AFM: variants seen among roughly 807,000 people sequenced by gnomAD.
The protein encoded by AFM is alpha-Alb.
A neutral mutation model predicts 68.7 loss-of-function variants in AFM; 82 were observed. The observed-to-expected ratio is 1.19, with a 90% CI of 1.00 to 1.43. AFM has a LOEUF of 1.43. Ranked by LOEUF, AFM falls within the 40% of genes most tolerant of loss-of-function variation. AFM has a pLI of 0.00. For synonymous variants in AFM, 250 were observed against 234.2 expected (o/e 1.07, Z -0.61); for missense variants, 772 against 701.8 (o/e 1.10, Z -1.13).
At chr4:73,488,450 A>G (rs780881060) in intron 6 of AFM, among the ~76,000 whole-genome samples, 180 bp from the exon 7 acceptor site, 5 of 152,122 alleles carry the variant, frequency 3.3e-5, no homozygotes, top group Non-Finnish European at 7.4e-5. Flanking sequence ...TCACCCTAAG[A>G]TTTTCAAAGT....
Position 73,486,873 on chromosome 4 carries a change from C to CTCCCTTCCCT in AFM, c.483-77_483-68dup, listed in dbSNP as rs149807908. 1.1e-4 allele frequency: 135 copies of CTCCCTTCCCT among 1,213,400 alleles called. 1 individual carries two copies. In the East Asian group the frequency reaches 2.6e-3, roughly 23 times the overall value. The allele number at this position is 1,213,400 out of a possible 1,614,324, so 75.2% of individuals were successfully genotyped here. A position where few individuals can be genotyped will look rare whatever the true frequency, so the allele number is the denominator to read the frequency against. On this transcript the variant is annotated intron_variant, in intron 4 of 14. Coordinates refer to ENST00000226355, the MANE Select transcript of AFM (RefSeq NM_001133.2). ...TTTTTCTTTTCCTTCCCATCTTACC[C>CTCCCTTCCCT]TCCCTTCCCTTCCCTTCCCTTCCCT...
chr4:73,501,330 A>G (rs1408372558), intron 12 of AFM, among the ~76,000 whole-genome samples: 2 of 152,160 alleles, frequency 1.3e-5, no homozygotes, highest in Non-Finnish European at 1.5e-5. Flanking sequence ...TGTAATGATC[A>G]AGTCAGGGTA....
intron 8 of AFM, 129 bp downstream of exon 8, chr4:73,492,215 A>T (rs1721092821): frequency 3.9e-6 from 3 of 768,342 alleles, no homozygotes; most frequent in South Asian, 1.7e-5. Flanking sequence ...ATTTTTTTTT[A>T]AATCATGGCT....
At position 73,487,835 on chromosome 4, in the gene AFM, T is replaced by C; in HGVS notation, c.713+14T>C. The stretch of plus-strand genomic sequence containing the variant: ...TGTACACTTTATGTGAGTTTTATAC[T>C]ATATGTCTTGTCTCTGCTTGCATTT... On this transcript the variant is annotated intron_variant, in intron 6 of 14. Transcript: ENST00000226355. The C allele has an allele frequency of 4.0e-6, 6 of 1,513,390 alleles. No homozygotes were observed. The highest frequency in any genetic ancestry group is 5.5e-6 in the Non-Finnish European group (6 of 1,090,902). The allele number at this position is 1,513,390 out of a possible 1,614,324, so 93.7% of individuals were successfully genotyped here.
intron 1 of AFM, among the ~76,000 whole-genome samples, chr4:73,482,356 CT>C (rs945316984): frequency 6.6e-6 from 1 of 152,186 alleles, no homozygotes; most frequent in Non-Finnish European, 1.5e-5. Flanking sequence ...GAAGGGATGA[CT>C]TTTTTTATTT....
At chr4:73,486,698 T>C (rs1051766329) in intron 4 of AFM, among the ~76,000 whole-genome samples, 5 of 152,216 alleles carry the variant, frequency 3.3e-5, no homozygotes, top group Non-Finnish European at 7.3e-5. Context: ...TCATTATTCC[T>C]ACTTTGGAGT....
At chr4:73,488,184 G>A (rs1345837464) in intron 6 of AFM, among the ~76,000 whole-genome samples, 1 of 152,100 alleles carries the variant, frequency 6.6e-6, no homozygotes, top group Non-Finnish European at 1.5e-5. Context: ...TCTAGTGCTT[G>A]CAAAGATAAA....
Position 73,499,137 on chromosome 4 carries a change from T to C in AFM, c.1313T>C (p.Ile438Thr), listed in dbSNP as rs1444170407. The C allele has an allele frequency of 6.2e-7, 1 of 1,613,020 alleles. No individual in the cohort carries two copies. The highest frequency in any genetic ancestry group is 8.5e-7 in the Non-Finnish European group (1 of 1,179,484). ...AGTTACCTCATCAGGCTCACGAAGA[T>C]AGCTCCCCAACTCTCCACTGAAGAA... is the stretch of plus-strand genomic sequence containing the variant. ...KYHYLIRLTKIAPQLSTEELV... is the reference protein window; with the variant it reads ...KYHYLIRLTKTAPQLSTEELV... Residue 438 changes from isoleucine (I) to threonine (T), a missense_variant, in exon 11 of 15, where the codon ATA becomes ACA. Coordinates refer to ENST00000226355, the MANE Select transcript of AFM (RefSeq NM_001133.2).
At chr4:73,485,154 A>C (rs902048044) in intron 3 of AFM, among the ~76,000 whole-genome samples, 2 of 152,132 alleles carry the variant, frequency 1.3e-5, no homozygotes, top group Admixed American at 1.3e-4. Context: ...TTCTATTGTT[A>C]CATCCCTTTT....
At position 73,499,213 on chromosome 4, in the gene AFM, G is replaced by T. The variant is rs766040083; in HGVS notation, c.1389G>T (p.Thr463=). 3 of 1,611,828 alleles carry T rather than the reference G, an allele frequency of 1.9e-6. No individual in the cohort carries two copies. In the Admixed American group the frequency reaches 5.0e-5, roughly 27 times the overall value. ...TGACAGCTTTCACTACTTGCTGTACGCTAAGTGAAGAGTTTGCCTGTGTTG... is the reference window on the plus strand; with the variant it reads ...TGACAGCTTTCACTACTTGCTGTACTCTAAGTGAAGAGTTTGCCTGTGTTG... ...KMVTAFTTCC[T]LSEEFACVDN... is the part of the protein sequence containing the mutation. Residue 463 remains threonine, a synonymous_variant, in exon 11 of 15, where the codon ACG becomes ACT. Transcript: ENST00000226355.
At chr4:73,488,244 A>G (rs1373349332) in intron 6 of AFM, among the ~76,000 whole-genome samples, 1 of 152,136 alleles carries the variant, frequency 6.6e-6, no homozygotes, top group South Asian at 2.1e-4. Context: ...TGTTAAGGCA[A>G]TGTCTTGAGA....
intron 5 of AFM, among the ~76,000 whole-genome samples, chr4:73,487,414 T>C (rs1281823575): frequency 6.6e-6 from 1 of 152,160 alleles, no homozygotes; most frequent in East Asian, 1.9e-4. Context: ...CAATTTGTAG[T>C]CTTTTGACTA....
rs1013126829 is a variant in AFM at position 73,503,870 on chromosome 4, T to C, written c.*41-6T>C. The C allele has an allele frequency of 6.6e-6, 1 of 152,104 alleles. No homozygotes were observed. The highest frequency in any genetic ancestry group is 2.4e-5 in the African/African-American group (1 of 41,434). 9.4% of individuals were successfully genotyped at this position (152,104 alleles called of 1,614,324 possible). A position where few individuals can be genotyped will look rare whatever the true frequency, so the allele number is the denominator to read the frequency against. On this transcript the variant is annotated splice_polypyrimidine_tract_variant and splice_region_variant and intron_variant, in intron 14 of 14. Coordinates refer to ENST00000226355, the MANE Select transcript of AFM (RefSeq NM_001133.2). ...TGATGCATGAAATACTATCTTCTCTTTCCAGGGAAGGCTTCCTATCTGTGT... is the reference window on the plus strand; with the variant it reads ...TGATGCATGAAATACTATCTTCTCTCTCCAGGGAAGGCTTCCTATCTGTGT...
chr4:73,503,128 A>T lies in AFM; in HGVS notation c.*40+18A>T. On this transcript the variant is annotated intron_variant, in intron 14 of 14. Coordinates refer to ENST00000226355, the MANE Select transcript of AFM (RefSeq NM_001133.2). ...CACCAAAGGTAATACCCTCTGCCTC[A>T]TTCAAATGTCAAATGTATTTGTGGC... The T allele has an allele frequency of 1.3e-6, 2 of 1,562,050 alleles. No individual in the cohort carries two copies. Among genetic ancestry groups the T allele is most frequent in the Non-Finnish European group, 1.8e-6 (2 of 1,134,958 alleles).
intron 2 of AFM, 92 bp from the exon 3 acceptor site, chr4:73,484,166 T>C: frequency 6.7e-7 from 1 of 1,484,184 alleles, no homozygotes; most frequent in Non-Finnish European, 8.9e-7. Context: ...GATAATTTCC[T>C]GAGGCTAGTC....
intron 9 of AFM, among the ~76,000 whole-genome samples, chr4:73,496,353 G>A (rs1721255919): frequency 6.6e-6 from 1 of 152,104 alleles, no homozygotes; most frequent in South Asian, 2.1e-4. Context: ...TTGGATGTTT[G>A]CTTAGGGTGT....
chr4:73,489,924 C>T (rs1037991746), intron 7 of AFM, among the ~76,000 whole-genome samples: 3 of 151,980 alleles, frequency 2.0e-5, no homozygotes, highest in African/African-American at 4.8e-5. Flanking sequence ...CCATGGCACA[C>T]GTATACCTAT....
chr4:73,499,334 A>G lies in AFM; in HGVS notation c.1422+88A>G, dbSNP rs530146841. 188 of 1,234,416 alleles carry G rather than the reference A, an allele frequency of 1.5e-4. No individual in the cohort carries two copies. The African/African-American group carries it at 2.7e-3, about 18-fold the overall frequency. The allele number at this position is 1,234,416 out of a possible 1,614,324, so 76.5% of individuals were successfully genotyped here. A position where few individuals can be genotyped will look rare whatever the true frequency, so the allele number is the denominator to read the frequency against. On this transcript the variant is annotated intron_variant, in intron 11 of 14. Coordinates refer to ENST00000226355, the MANE Select transcript of AFM (RefSeq NM_001133.2). ...ACTCATTGATTTACCGTGATTATCC[A>G]TATTCCTTTCTTCACTGTTTTAATA...
chr4:73,500,955 C>G (rs959246478), intron 12 of AFM, among the ~76,000 whole-genome samples: 1 of 151,952 alleles, frequency 6.6e-6, no homozygotes, highest in African/African-American at 2.4e-5. Context: ...AAAATGAAAG[C>G]GAGAAAATGC....
Sources: allele counts gnomAD v4.1 joint callset (sites outside exome capture counted in the v4.1 genomes callset), GRCh38; gene constraint gnomAD v4.1.1; transcripts MANE v1.5; gene names NCBI Gene and HGNC (gene_info 2026-07-23, HGNC 2026-07-21).